The following BOP1 variants were observed in gnomAD, a reference collection of about 807,000 sequenced individuals.
BOP1 encodes the protein ribosome biogenesis protein BOP1.
A neutral mutation model predicts 82.9 loss-of-function variants in BOP1; 54 were observed. The observed-to-expected ratio is 0.65, with a 90% CI of 0.52 to 0.82. The LOEUF (loss-of-function observed/expected upper bound fraction) is 0.82. Ranked by LOEUF, BOP1 falls within the 40% of genes least tolerant of loss-of-function variation. The pLI is 0.00. For missense variants in BOP1, 1,170 were observed against 1,072.0 expected, an observed-to-expected ratio of 1.09 and a Z score of -1.28; for synonymous variants, 566 against 451.1, an observed-to-expected ratio of 1.25 and a Z score of -3.23.
chr8:144,271,492 C>T (rs928472046), intron 3 of BOP1, among the ~76,000 whole-genome samples: 1 of 152,064 alleles, frequency 6.6e-6, no homozygotes, highest in Non-Finnish European at 1.5e-5. Flanking sequence ...TCAGCGTTCG[C>T]GCCGCTCCCC....
chr8:144,266,917 A>T (rs2130209956), intron 3 of BOP1: 1 of 1,551,248 alleles, frequency 6.4e-7, no homozygotes, highest in South Asian at 1.1e-5. Flanking sequence ...GCGCACGCTG[A>T]TCCCCACCGA....
At chr8:144,280,427 C>T (rs1041205319) in intron 2 of BOP1, among the ~76,000 whole-genome samples, 15 of 152,378 alleles carry the variant, frequency 9.8e-5, no homozygotes, top group South Asian at 6.2e-4. Flanking sequence ...ACAGGGGGCC[C>T]GAGCCCAGGG....
intron 3 of BOP1, among the ~76,000 whole-genome samples, chr8:144,274,120 C>T (rs1274268645): frequency 2.0e-5 from 3 of 152,150 alleles, no homozygotes; most frequent in African/African-American, 7.2e-5. Context: ...GAGCTTGGCC[C>T]GAGACCTTCT....
chr8:144,266,495 C>T (rs1845367842), intron 3 of BOP1: 1 of 987,048 alleles, frequency 1.0e-6, no homozygotes, highest in Non-Finnish European at 1.2e-6. Context: ...GCAGCTGCCA[C>T]CGCGGGGCGC....
chr8:144,277,145 G>A (rs1044943374), intron 2 of BOP1, among the ~76,000 whole-genome samples: 6 of 152,174 alleles, frequency 3.9e-5, no homozygotes, highest in South Asian at 2.1e-4. Flanking sequence ...ACCCCAGAGC[G>A]AAGGCGGGCA....
intron 3 of BOP1, among the ~76,000 whole-genome samples, chr8:144,275,883 T>C (rs1845561187): frequency 8.4e-6 from 1 of 119,276 alleles, no homozygotes; most frequent in East Asian, 2.9e-4. Flanking sequence ...ACCCAGACCA[T>C]GCACGCCACG....
intron 2 of BOP1, among the ~76,000 whole-genome samples, chr8:144,280,574 CG>C (rs2130249995): frequency 6.6e-6 from 1 of 152,342 alleles, no homozygotes; most frequent in African/African-American, 2.4e-5. Context: ...CTGGGAAGGC[CG>C]GGCCCAGTGG....
At chr8:144,273,804 C>T (rs1845530599) in intron 3 of BOP1, among the ~76,000 whole-genome samples, 1 of 150,852 alleles carries the variant, frequency 6.6e-6, no homozygotes, top group South Asian at 2.1e-4. Context: ...GGGCCCCCCA[C>T]TGCCGGCGGC....
chr8:144,286,534 G>A (rs1161538823), intron 2 of BOP1, among the ~76,000 whole-genome samples: 2 of 126,960 alleles, frequency 1.6e-5, no homozygotes, highest in East Asian at 2.3e-4. Context: ...TGGGCGCCAC[G>A]GCAGGGCAGG....
chr8:144,270,600 A>T (rs1288946667), intron 3 of BOP1, among the ~76,000 whole-genome samples: 2 of 151,976 alleles, frequency 1.3e-5, no homozygotes, highest in African/African-American at 4.8e-5. Context: ...GGGGCGGGGG[A>T]GGAACACTCC....
At chr8:144,277,811 G>A (rs1845592612) in intron 2 of BOP1, among the ~76,000 whole-genome samples, 1 of 152,242 alleles carries the variant, frequency 6.6e-6, no homozygotes, top group Non-Finnish European at 1.5e-5. Flanking sequence ...GTGCGGGCAG[G>A]GGCGGTGCGG....
At position 144,286,705 on chromosome 8, in the gene BOP1, C is replaced by T. The variant is rs570469015; in HGVS notation, c.309+2390G>A. 1.3e-3 allele frequency among the ~76,000 whole-genome samples: 193 copies of T among 152,346 alleles called. 5 individuals are homozygous for T. The South Asian group carries it at 0.03, about 24-fold the overall frequency. On this transcript the variant is annotated intron_variant, in intron 2 of 15. Coordinates refer to ENST00000569669, the MANE Select transcript of BOP1 (RefSeq NM_015201.5). The stretch of plus-strand genomic sequence containing the variant: ...AGGCAGGGACTTGGGCAGCCAGCAG[C>T]GTGGGGAACTCTGAGGACCGCCCCA...
At chr8:144,280,324 C>G (rs1334144883) in intron 2 of BOP1, among the ~76,000 whole-genome samples, 1 of 152,264 alleles carries the variant, frequency 6.6e-6, no homozygotes, top group Non-Finnish European at 1.5e-5. Context: ...TGGTGAGAAT[C>G]ACTGGGCAGC....
At chr8:144,276,201 G>C (rs892760393) in intron 3 of BOP1, 23 bp downstream of exon 3, 1 of 1,612,128 alleles carries the variant, frequency 6.2e-7, no homozygotes. Context: ...ACCCTGCCCA[G>C]TGGGAAGCAG....
Position 144,262,140 on chromosome 8 carries a change from C to G in BOP1, c.*24G>C. 1 of 1,611,566 alleles carries G rather than the reference C, an allele frequency of 6.2e-7. No homozygotes were observed. ...GCTCTGTTGACTTCAGCACGACCAC[C>G]CCAGCCCCAGGCAGGCAGAACAGCT... On this transcript the variant is annotated 3_prime_UTR_variant, in exon 16 of 16. Coordinates refer to ENST00000569669, the MANE Select transcript of BOP1 (RefSeq NM_015201.5).
At chr8:144,290,948 C>T (rs184612708) in intron 1 of BOP1, among the ~76,000 whole-genome samples, 7 of 152,350 alleles carry the variant, frequency 4.6e-5, no homozygotes, top group African/African-American at 1.7e-4. Context: ...CTAGCGTATA[C>T]GTAGGTTAAG....
chr8:144,264,126 T>G lies in BOP1; in HGVS notation c.995A>C (p.Gln332Pro). 6.2e-7 allele frequency: 1 copy of G among 1,610,822 alleles called. No individual in the cohort carries two copies. The highest frequency in any genetic ancestry group is 1.7e-4 in the Middle Eastern group (1 of 5,810). ...CAGCTTCCTCTCGCCTGGCTCCTGC[T>G]GTTCCCACGCCAAGCGCTGTGGAGA... ...LSEEERLAWE[Q>P]QEPGERKLSF... is the part of the protein sequence containing the mutation. The change falls in exon 8 of 16, where the codon CAG becomes CCG. Residue 332 changes from glutamine (Q) to proline (P), a missense_variant. By Grantham distance (76) the Gln-to-Pro change is moderately conservative. Coordinates refer to ENST00000569669, the MANE Select transcript of BOP1 (RefSeq NM_015201.5).
chr8:144,280,026 CTG>C (rs1435881342), intron 2 of BOP1, among the ~76,000 whole-genome samples: 2 of 152,236 alleles, frequency 1.3e-5, no homozygotes, highest in African/African-American at 4.8e-5. Flanking sequence ...CAGCATGACA[CTG>C]TACTCAGGGT....
chr8:144,282,964 G>A (rs1554839086), intron 2 of BOP1, among the ~76,000 whole-genome samples: 1 of 151,724 alleles, frequency 6.6e-6, no homozygotes, highest in Admixed American at 6.6e-5. Context: ...CAAGGCAGGT[G>A]GATTACCTGA....
Sources: gnomAD v4.1 joint callset for allele counts (sites outside exome capture counted in the v4.1 genomes callset) on GRCh38, gnomAD v4.1.1 for gene constraint, MANE v1.5 for transcripts, NCBI Gene and HGNC (gene_info 2026-07-23, HGNC 2026-07-21) for gene names.